The following MAP3K19 variants were observed in gnomAD, a reference collection of about 807,000 sequenced individuals.
The protein encoded by MAP3K19 is mitogen-activated protein kinase kinase kinase 19.
MAP3K19 carries 91 observed loss-of-function variants against 114.4 expected under a neutral mutation model. That is an observed-to-expected ratio of 0.80 (90% confidence interval 0.67 to 0.95). The LOEUF (loss-of-function observed/expected upper bound fraction) is 0.95, where lower values mean the gene tolerates loss of function less well. Among genes scored for constraint, MAP3K19 ranks in the 40% least tolerant of loss-of-function variants. The pLI is 0.00. For synonymous variants in MAP3K19, 518 were observed against 530.5 expected, an observed-to-expected ratio of 0.98 and a Z score of 0.32; for missense variants, 1,471 against 1,573.2, an observed-to-expected ratio of 0.94 and a Z score of 1.10.
At chr2:135,019,902 G>A (rs903301569) in intron 5 of MAP3K19, among the ~76,000 whole-genome samples, 5 of 152,092 alleles carry the variant, frequency 3.3e-5, no homozygotes, top group African/African-American at 1.2e-4. Context: ...GTACTATAGG[G>A]GACTTTTTGT....
chr2:134,971,966 T>C (rs1312366443), intron 12 of MAP3K19, among the ~76,000 whole-genome samples: 1 of 152,068 alleles, frequency 6.6e-6, no homozygotes, highest in Admixed American at 6.5e-5. Flanking sequence ...TTTTAATTTT[T>C]GTAGGTACAT....
chr2:134,999,060 C>G lies in MAP3K19; in HGVS notation c.315-63G>C, dbSNP rs1559166763. 1 of 1,544,346 alleles carries G rather than the reference C, an allele frequency of 6.5e-7. No individual in the cohort carries two copies. On this transcript the variant is annotated intron_variant, in intron 7 of 12. Coordinates refer to ENST00000392915, the MANE Select transcript of MAP3K19 (RefSeq NM_025052.5). This position sits in a 1 kb window ranked among gnomAD's most constrained non-coding sequence, Gnocchi z 4.1. ...TGCCACATCTTCTGGATCTCCAGTCCTCAGTTCAGCCTGACATCACTAGAA... is the reference window on the plus strand; with the variant it reads ...TGCCACATCTTCTGGATCTCCAGTCGTCAGTTCAGCCTGACATCACTAGAA...
intron 5 of MAP3K19, among the ~76,000 whole-genome samples, chr2:135,018,135 T>C (rs979672245): frequency 6.6e-6 from 1 of 151,706 alleles, no homozygotes; most frequent in Non-Finnish European, 1.5e-5. Flanking sequence ...CTACTAAAAA[T>C]ACAAAATTAG....
intron 12 of MAP3K19, among the ~76,000 whole-genome samples, chr2:134,973,184 G>A (rs1390753543): frequency 6.6e-6 from 1 of 152,148 alleles, no homozygotes; most frequent in Non-Finnish European, 1.5e-5. Flanking sequence ...TTTCTCTATT[G>A]ATGTTTTGTT....
intron 12 of MAP3K19, among the ~76,000 whole-genome samples, chr2:134,967,391 T>C (rs1559130696): frequency 6.6e-6 from 1 of 152,110 alleles, no homozygotes; most frequent in Non-Finnish European, 1.5e-5. Flanking sequence ...CCTCTTGCAG[T>C]TGAGAGAGAG....
At chr2:135,032,056 A>G (rs958298761) in intron 2 of MAP3K19, among the ~76,000 whole-genome samples, 3 of 152,146 alleles carry the variant, frequency 2.0e-5, no homozygotes, top group Non-Finnish European at 4.4e-5. Flanking sequence ...GAGCCCTCAT[A>G]CCACCATTTC....
intron 1 of MAP3K19, among the ~76,000 whole-genome samples, chr2:135,046,039 C>G (rs1027673127): frequency 1.4e-4 from 21 of 152,188 alleles, no homozygotes; most frequent in African/African-American, 3.9e-4. Flanking sequence ...ATCCTCCCAC[C>G]TCAGCCTCCC....
intron 12 of MAP3K19, among the ~76,000 whole-genome samples, chr2:134,966,819 G>T (rs1179645807): frequency 1.3e-5 from 2 of 152,172 alleles, no homozygotes; most frequent in Non-Finnish European, 2.9e-5. Flanking sequence ...CCTCCATGGT[G>T]CACCACGCAG....
chr2:134,979,504 TAAC>T (rs1425563282), intron 12 of MAP3K19, among the ~76,000 whole-genome samples: 4 of 151,546 alleles, frequency 2.6e-5, no homozygotes, highest in Non-Finnish European at 5.9e-5. Context: ...AAAATGAGAA[TAAC>T]AAGTGGTTTC....
intron 5 of MAP3K19, among the ~76,000 whole-genome samples, chr2:135,012,856 T>C (rs1208418093): frequency 1.3e-5 from 2 of 152,240 alleles, no homozygotes; most frequent in African/African-American, 2.4e-5. Context: ...GAGGATATTG[T>C]ACTATGTAGT....
chr2:135,010,146 G>T (rs1297725004), intron 5 of MAP3K19, among the ~76,000 whole-genome samples: 1 of 151,866 alleles, frequency 6.6e-6, no homozygotes, highest in East Asian at 1.9e-4. Context: ...AAAGGGAAAG[G>T]ATACTCAAAC....
Position 134,967,589 on chromosome 2 carries a change from T to G in MAP3K19, c.3921-2673A>C, listed in dbSNP as rs866134842. On this transcript the variant is annotated intron_variant, in intron 12 of 12. Coordinates refer to ENST00000392915, the MANE Select transcript of MAP3K19 (RefSeq NM_025052.5). ...TTTGGGTGGAGAGAAACATAAATCT[T>G]GCTTAGAGACACGTCCAGTCATAGT... Among the ~76,000 whole-genome samples, 43 of 152,358 alleles carry G rather than the reference T, an allele frequency of 2.8e-4. No homozygotes were observed. In the South Asian group the frequency reaches 2.9e-3, roughly 10 times the overall value.
chr2:135,009,023 C>T (rs1405543110), intron 5 of MAP3K19, among the ~76,000 whole-genome samples: 8 of 152,106 alleles, frequency 5.3e-5, no homozygotes, highest in Non-Finnish European at 1.2e-4. Context: ...GCAATCTCGG[C>T]TCACTGCAAA....
chr2:135,043,055 C>T (rs1688677323), intron 1 of MAP3K19, among the ~76,000 whole-genome samples: 2 of 152,134 alleles, frequency 1.3e-5, no homozygotes, highest in African/African-American at 4.8e-5. Flanking sequence ...TGCGCTCCAG[C>T]CTGGGCAACA....
At chr2:135,003,112 G>A (rs117993552) in intron 6 of MAP3K19, among the ~76,000 whole-genome samples, 5 of 152,290 alleles carry the variant, frequency 3.3e-5, no homozygotes, top group East Asian at 1.9e-4. Context: ...GAAAGACCAC[G>A]TGGGGACAGA....
intron 3 of MAP3K19, among the ~76,000 whole-genome samples, chr2:135,025,372 C>CTTTTT (rs1054458367): frequency 7.1e-5 from 5 of 70,136 alleles, no homozygotes; most frequent in Admixed American, 3.2e-4. Context: ...ATGGCCTTTT[C>CTTTTT]TTTTCTTTTT....
chr2:134,992,977 C>T (rs1424342857), intron 8 of MAP3K19, among the ~76,000 whole-genome samples: 8 of 152,186 alleles, frequency 5.3e-5, no homozygotes, highest in Admixed American at 2.6e-4. Context: ...CCGCGCCCAA[C>T]CCAAGCTGCA....
At chr2:135,007,942 G>T (rs1686947192) in intron 5 of MAP3K19, among the ~76,000 whole-genome samples, 1 of 152,050 alleles carries the variant, frequency 6.6e-6, no homozygotes, top group South Asian at 2.1e-4. Context: ...GTTAACACAG[G>T]AATCATATTT....
chr2:135,024,754 G>T lies in MAP3K19; in HGVS notation c.-94-13C>A. 2.2e-6 allele frequency: 2 copies of T among 921,374 alleles called. No homozygotes were observed. The highest frequency in any genetic ancestry group is 3.4e-6 in the Non-Finnish European group (2 of 580,582). 57.1% of individuals were successfully genotyped at this position (921,374 alleles called of 1,614,324 possible). A position where few individuals can be genotyped will look rare whatever the true frequency, so the allele number is the denominator to read the frequency against. On this transcript the variant is annotated splice_polypyrimidine_tract_variant and intron_variant, in intron 3 of 12. Transcript: ENST00000392915. ...AAGTTTAGGATCTCTAGGAAGAACA[G>T]AATCAACATTAAAGTTTATTTAGTT...
Sources: allele counts gnomAD v4.1 joint callset (sites outside exome capture counted in the v4.1 genomes callset), GRCh38; gene constraint gnomAD v4.1.1; non-coding constraint Gnocchi (gnomAD v3.1); transcripts MANE v1.5; gene names NCBI Gene and HGNC (gene_info 2026-07-23, HGNC 2026-07-21).